The following EDA2R variants were observed in gnomAD, a reference collection of about 807,000 sequenced individuals.
The protein encoded by EDA2R is ectodysplasin A2 receptor.
Under a neutral mutation model 20.1 loss-of-function variants are expected in EDA2R, and 26 were observed. The ratio of observed to expected loss-of-function variants is 1.30; its 90% CI spans 0.95 to 1.80. EDA2R has a LOEUF of 1.80. EDA2R is among the 40% of genes most tolerant of loss of function. The pLI, the probability that EDA2R is intolerant of heterozygous loss-of-function variation, is 0.00. For missense variants in EDA2R, 277 were observed against 228.7 expected, an observed-to-expected ratio of 1.21 and a Z score of -1.36; for synonymous variants, 114 against 88.7, an observed-to-expected ratio of 1.29 and a Z score of -1.60.
chrX:66,628,197 G>A (rs1427008383), intron 1 of EDA2R, among the ~76,000 whole-genome samples: 1 of 111,067 alleles, frequency 9.0e-6, no homozygotes, highest in Non-Finnish European at 1.9e-5. Flanking sequence ...TAAGAGGAAA[G>A]TTCATAGCCT....
intron 1 of EDA2R, among the ~76,000 whole-genome samples, chrX:66,627,260 T>A (rs769821064): frequency 1.8e-5 from 2 of 112,119 alleles, no homozygotes; most frequent in Non-Finnish European, 3.8e-5. Flanking sequence ...GCACAATGAA[T>A]GCAATGGTAC....
intron 2 of EDA2R, among the ~76,000 whole-genome samples, chrX:66,611,307 C>T (rs1379583623): frequency 1.8e-5 from 2 of 111,241 alleles, no homozygotes; most frequent in Non-Finnish European, 3.8e-5. Context: ...CGAAAAACCA[C>T]CCATGATAAT....
In EDA2R at chrX:66,634,427, C is replaced by T. The variant is rs7885220; in HGVS notation, c.-11+4568G>A. On this transcript the variant is annotated intron_variant, in intron 1 of 6. Coordinates refer to ENST00000374719, the MANE Select transcript of EDA2R (RefSeq NM_021783.5). The stretch of plus-strand genomic sequence containing the variant: ...TGGCCTTTTGCCCAGTAAAGAAATA[C>T]CATCCAGCTCTACTTGAAGTCCTTT... Among the ~76,000 whole-genome samples, 282 of 111,182 alleles carry T rather than the reference C, an allele frequency of 2.5e-3. 1 individual carries two copies. Among genetic ancestry groups the T allele is most frequent in the African/African-American group, 8.8e-3 (270 of 30,631 alleles).
intron 2 of EDA2R, among the ~76,000 whole-genome samples, chrX:66,613,276 G>A (rs931225467): frequency 9.0e-6 from 1 of 111,293 alleles, no homozygotes; most frequent in African/African-American, 3.3e-5. Flanking sequence ...CATTTTAAAC[G>A]ATTTTTAAAA....
chrX:66,636,352 C>G (rs958950248), intron 1 of EDA2R, among the ~76,000 whole-genome samples: 1 of 111,250 alleles, frequency 9.0e-6, no homozygotes, highest in African/African-American at 3.3e-5. Flanking sequence ...TGACTTGATA[C>G]CATGCCAGAT....
chrX:66,612,777 A>G (rs1385004688), intron 2 of EDA2R, among the ~76,000 whole-genome samples: 4 of 111,787 alleles, frequency 3.6e-5, no homozygotes, highest in Non-Finnish European at 7.6e-5. Context: ...AAAACCAAAG[A>G]CTATCAAATT....
At chrX:66,632,952 G>T (rs1038831205) in intron 1 of EDA2R, among the ~76,000 whole-genome samples, 1 of 111,813 alleles carries the variant, frequency 8.9e-6, no homozygotes, top group African/African-American at 3.2e-5. Flanking sequence ...CAACAGAGGA[G>T]AATGAACCTG....
At chrX:66,616,101 TG>T (rs1454421654) in intron 1 of EDA2R, 71 bp from the exon 2 acceptor site, 2 of 730,385 alleles carry the variant, frequency 2.7e-6, no homozygotes, top group Non-Finnish European at 4.2e-6. Context: ...CCATGCCACT[TG>T]GCTTCTGGGT....
intron 1 of EDA2R, among the ~76,000 whole-genome samples, chrX:66,631,855 T>G (rs1050074828): frequency 8.9e-6 from 1 of 112,032 alleles, no homozygotes; most frequent in Admixed American, 9.4e-5. Context: ...TGCACTGTTT[T>G]TCAATTATTT....
intron 1 of EDA2R, among the ~76,000 whole-genome samples, chrX:66,626,194 G>A (rs1216663581): frequency 1.8e-5 from 2 of 111,964 alleles, no homozygotes; most frequent in Non-Finnish European, 3.8e-5. Context: ...AAAGAATTCA[G>A]GAGATTAGTT....
chrX:66,601,883 G>T (rs888134370), intron 5 of EDA2R, among the ~76,000 whole-genome samples: 10 of 111,323 alleles, frequency 9.0e-5, no homozygotes, highest in Admixed American at 7.7e-4. Flanking sequence ...CCACATTCTT[G>T]TCTAGTAGCT....
intron 1 of EDA2R, among the ~76,000 whole-genome samples, chrX:66,637,196 C>T (rs1934414476): frequency 8.9e-6 from 1 of 111,977 alleles, no homozygotes; most frequent in African/African-American, 3.2e-5. Context: ...CTGATTTTCT[C>T]ATTCTTCCTT....
intron 1 of EDA2R, among the ~76,000 whole-genome samples, chrX:66,621,141 G>C (rs1395773168): frequency 1.8e-5 from 2 of 110,418 alleles, no homozygotes; most frequent in Non-Finnish European, 3.8e-5. Flanking sequence ...GCCGGGGATG[G>C]TGGCAGGCAC....
chrX:66,607,957 A>T (rs1929997113), intron 2 of EDA2R, among the ~76,000 whole-genome samples: 1 of 112,312 alleles, frequency 8.9e-6, no homozygotes, highest in African/African-American at 3.2e-5. Flanking sequence ...TCAAAGACAC[A>T]CATGGACAAA....
At chrX:66,609,833 C>T (rs993975838) in intron 2 of EDA2R, among the ~76,000 whole-genome samples, 14 of 111,344 alleles carry the variant, frequency 1.3e-4, no homozygotes, top group African/African-American at 4.2e-4. Flanking sequence ...GTTGGATAAC[C>T]GAATGACAAT....
In EDA2R at chrX:66,622,979, T is replaced by C. The variant is rs769196936; in HGVS notation, c.-10-6949A>G. On this transcript the variant is annotated intron_variant, in intron 1 of 6. Coordinates refer to ENST00000374719, the MANE Select transcript of EDA2R (RefSeq NM_021783.5). ...ATCCCTTCCCAATGCTGGAATCAAG[T>C]TCTCCATTCATACCACGAGGGAGTT... is the stretch of plus-strand genomic sequence containing the variant. 6.2e-5 allele frequency among the ~76,000 whole-genome samples: 7 copies of C among 112,297 alleles called. No homozygotes were observed. The East Asian group carries it at 1.4e-3, about 23-fold the overall frequency.
intron 1 of EDA2R, among the ~76,000 whole-genome samples, chrX:66,628,924 T>C (rs1318849077): frequency 5.4e-5 from 6 of 111,253 alleles, no homozygotes; most frequent in Non-Finnish European, 9.4e-5. Context: ...CTGATGAACA[T>C]AGATACTAAA....
At chrX:66,609,085 T>C (rs1015124592) in intron 2 of EDA2R, among the ~76,000 whole-genome samples, 1 of 111,577 alleles carries the variant, frequency 9.0e-6, no homozygotes, top group South Asian at 3.8e-4. Context: ...AATGGGTGAA[T>C]TGACTGGTAT....
Position 66,598,099 on chromosome X carries a change from G to A in EDA2R, c.*11-6C>T. 1.1e-6 allele frequency: 1 copy of A among 916,455 alleles called. No homozygotes were observed. Among genetic ancestry groups the A allele is most frequent in the Non-Finnish European group, 1.4e-6 (1 of 710,633 alleles). The allele number at this position is 916,455 out of a possible 1,213,427, so 75.5% of individuals were successfully genotyped here. On this transcript the variant is annotated splice_region_variant and splice_polypyrimidine_tract_variant and intron_variant, in intron 6 of 6. Transcript: ENST00000374719. ...CTGCCAGGGGCCCAAGAGACCTAAG[G>A]AGAGAGCAAACCAAGTTAGAAACAT...
Sources: allele counts gnomAD v4.1 joint callset (sites outside exome capture counted in the v4.1 genomes callset), GRCh38; gene constraint gnomAD v4.1.1; transcripts MANE v1.5; gene names NCBI Gene and HGNC (gene_info 2026-07-23, HGNC 2026-07-21).